The following CNTNAP5 variants were observed in gnomAD, a reference collection of about 807,000 sequenced individuals.
The protein encoded by CNTNAP5 is contactin associated protein family member 5.
A neutral mutation model predicts 150.2 loss-of-function variants in CNTNAP5; 72 were observed. The observed-to-expected ratio is 0.48, with a 90% CI of 0.40 to 0.58. CNTNAP5 has a LOEUF of 0.58. Among genes scored for constraint, CNTNAP5 ranks in the 20% least tolerant of loss-of-function variants. The probability of loss-of-function intolerance (pLI) is 0.00; values close to 1 mark genes in which losing one functional copy is unlikely to be tolerated. For synonymous variants in CNTNAP5, 672 were observed against 619.8 expected, an observed-to-expected ratio of 1.08 and a Z score of -1.25; for missense variants, 1,636 against 1,626.2, an observed-to-expected ratio of 1.01 and a Z score of -0.10.
At chr2:124,647,495 A>T (rs1678227654) in intron 12 of CNTNAP5, among the ~76,000 whole-genome samples, 1 of 152,158 alleles carries the variant, frequency 6.6e-6, no homozygotes, top group Admixed American at 6.5e-5. Flanking sequence ...GGCATTGTCA[A>T]TTTTAACTGA....
intron 18 of CNTNAP5, among the ~76,000 whole-genome samples, chr2:124,794,324 G>A (rs1001414937): frequency 3.3e-5 from 5 of 152,270 alleles, no homozygotes; most frequent in African/African-American, 7.2e-5. Context: ...CCTCATCTAC[G>A]AGATGTGGGA....
intron 1 of CNTNAP5, among the ~76,000 whole-genome samples, chr2:124,068,466 A>G (rs1048643985): frequency 2.0e-5 from 3 of 152,146 alleles, no homozygotes; most frequent in African/African-American, 7.2e-5. Context: ...GTTTCTTAGA[A>G]GCCTCACCTT....
chr2:124,743,993 T>C (rs1346238461), intron 13 of CNTNAP5, among the ~76,000 whole-genome samples: 1 of 152,202 alleles, frequency 6.6e-6, no homozygotes, highest in East Asian at 1.9e-4. Context: ...CATCAAAGTC[T>C]TTCCTGATTG....
At chr2:124,364,130 G>A (rs1053823427) in intron 3 of CNTNAP5, among the ~76,000 whole-genome samples, 2 of 152,124 alleles carry the variant, frequency 1.3e-5, no homozygotes, top group Non-Finnish European at 2.9e-5. Context: ...AAGTTATACA[G>A]GATGCATGAA....
intron 10 of CNTNAP5, among the ~76,000 whole-genome samples, chr2:124,531,791 C>A (rs1163057997): frequency 1.3e-5 from 2 of 152,106 alleles, no homozygotes; most frequent in Non-Finnish European, 2.9e-5. Context: ...AAATGTGTAA[C>A]CCCATTTTCC....
chr2:124,159,797 C>T (rs964729856), intron 1 of CNTNAP5, among the ~76,000 whole-genome samples: 2 of 152,130 alleles, frequency 1.3e-5, no homozygotes, highest in East Asian at 1.9e-4. Context: ...TATCAACAAA[C>T]AGCATGTCCA....
intron 1 of CNTNAP5, among the ~76,000 whole-genome samples, chr2:124,098,779 G>A (rs188669742): frequency 6.6e-5 from 10 of 152,222 alleles, no homozygotes; most frequent in South Asian, 2.1e-4. Flanking sequence ...GAGAAATGGC[G>A]TAGAGCTTCA....
intron 3 of CNTNAP5, among the ~76,000 whole-genome samples, chr2:124,352,960 A>G (rs1445496218): frequency 6.6e-6 from 1 of 152,168 alleles, no homozygotes; most frequent in African/African-American, 2.4e-5. Flanking sequence ...GGCCTCTGTC[A>G]AGGTGAAGCA....
chr2:124,035,260 A>G (rs570949742), intron 1 of CNTNAP5, among the ~76,000 whole-genome samples: 1 of 152,176 alleles, frequency 6.6e-6, no homozygotes, highest in Non-Finnish European at 1.5e-5. Flanking sequence ...TGTATGAAGT[A>G]TCTCTTATTT....
chr2:124,827,115 G>A (rs1682612014), intron 19 of CNTNAP5, among the ~76,000 whole-genome samples: 2 of 152,046 alleles, frequency 1.3e-5, no homozygotes, highest in South Asian at 4.2e-4. Context: ...TTAGAGACAG[G>A]ATCTCCCTGT....
intron 8 of CNTNAP5, among the ~76,000 whole-genome samples, chr2:124,508,788 G>T (rs1017934654): frequency 6.6e-6 from 1 of 152,188 alleles, no homozygotes; most frequent in Admixed American, 6.5e-5. Context: ...TTTAGAAAAG[G>T]ATCAAGGTTT....
At chr2:124,527,950 T>A (rs1307957223) in intron 10 of CNTNAP5, among the ~76,000 whole-genome samples, 1 of 152,146 alleles carries the variant, frequency 6.6e-6, no homozygotes, top group Non-Finnish European at 1.5e-5. Flanking sequence ...TACCACTGCT[T>A]CTCTGGCCCA....
intron 13 of CNTNAP5, among the ~76,000 whole-genome samples, chr2:124,670,934 GT>G (rs1678811213): frequency 1.3e-5 from 2 of 152,142 alleles, no homozygotes; most frequent in Admixed American, 1.3e-4. Context: ...ATGTAAGCAT[GT>G]TTTTAGACTT....
chr2:124,291,443 T>A (rs1224390061), intron 3 of CNTNAP5, among the ~76,000 whole-genome samples: 5 of 151,492 alleles, frequency 3.3e-5, no homozygotes, highest in African/African-American at 4.8e-5. Flanking sequence ...TGTATGTAAT[T>A]ATTTTTATCT....
chr2:124,839,424 ACACT>A (rs1448995450), intron 19 of CNTNAP5, among the ~76,000 whole-genome samples: 50 of 144,754 alleles, frequency 3.5e-4, no homozygotes, highest in East Asian at 8.4e-4. Context: ...AAAATGACAC[ACACT>A]CTCTCTCTCT....
chr2:124,196,776 A>C (rs1328673903), intron 1 of CNTNAP5, among the ~76,000 whole-genome samples: 1 of 152,212 alleles, frequency 6.6e-6, no homozygotes, highest in Admixed American at 6.5e-5. Flanking sequence ...CAAAGCTTAC[A>C]CAGGGTCACA....
chr2:124,234,244 A>T (rs1026394288), intron 2 of CNTNAP5, among the ~76,000 whole-genome samples: 2 of 152,190 alleles, frequency 1.3e-5, no homozygotes, highest in East Asian at 3.9e-4. Flanking sequence ...TGAGCAGCAG[A>T]TGGGCAGAGT....
chr2:124,669,783 C>G (rs1479721641), intron 13 of CNTNAP5, among the ~76,000 whole-genome samples: 1 of 152,212 alleles, frequency 6.6e-6, no homozygotes, highest in Non-Finnish European at 1.5e-5. Flanking sequence ...TTTTCCCATA[C>G]TTTCTGATAA....
At chr2:124,603,512 A>C (rs1331067045) in intron 11 of CNTNAP5, among the ~76,000 whole-genome samples, 2 of 152,212 alleles carry the variant, frequency 1.3e-5, no homozygotes, top group Non-Finnish European at 2.9e-5. Context: ...ATCATTGTTT[A>C]ATCCTTTATC....
Sources: gnomAD v4.1 joint callset for allele counts (sites outside exome capture counted in the v4.1 genomes callset) on GRCh38, gnomAD v4.1.1 for gene constraint, MANE v1.5 for transcripts, NCBI Gene and HGNC (gene_info 2026-07-23, HGNC 2026-07-21) for gene names.